The following LIMCH1 variants were observed in gnomAD, a reference collection of about 807,000 sequenced individuals.
The protein encoded by LIMCH1 is LIM and calponin homology domains 1.
LIMCH1 carries 113 observed loss-of-function variants against 176.5 expected under a neutral mutation model. The ratio of observed to expected loss-of-function variants is 0.64; its 90% CI spans 0.55 to 0.75. LIMCH1 has a LOEUF of 0.75. Among genes scored for constraint, LIMCH1 ranks in the 30% least tolerant of loss-of-function variants. LIMCH1 has a pLI of 0.00. For missense variants in LIMCH1, 1,674 were observed against 1,814.9 expected, an observed-to-expected ratio of 0.92 and a Z score of 1.41; for synonymous variants, 619 against 645.9, an observed-to-expected ratio of 0.96 and a Z score of 0.63.
intron 2 of LIMCH1, among the ~76,000 whole-genome samples, chr4:41,505,915 C>G (rs905083128): frequency 2.8e-5 from 4 of 143,860 alleles, no homozygotes; most frequent in East Asian, 2.0e-4. Context: ...TTCTCTCTCT[C>G]TGTGTTTCTG....
intron 1 of LIMCH1, among the ~76,000 whole-genome samples, chr4:41,383,087 A>G (rs1452114541): frequency 1.3e-5 from 2 of 152,244 alleles, no homozygotes; most frequent in African/African-American, 4.8e-5. Flanking sequence ...CACTGTGCCC[A>G]GCCATGCTAA....
rs1731849723 is a variant in LIMCH1 at position 41,698,454 on chromosome 4, A to C, written c.*1269A>C. The C allele has an allele frequency of 6.6e-6, 1 of 152,228 alleles. No homozygotes were observed. Among genetic ancestry groups the C allele is most frequent in the Admixed American group, 6.5e-5 (1 of 15,276 alleles). 9.4% of individuals were successfully genotyped at this position (152,228 alleles called of 1,614,324 possible). Reference sequence around the variant, plus strand: ...GTTTCAGCTGGCCAAGAAAGGAGTCAAGTTATTAAAAAGCATCACAATGTA... The same window carrying C: ...GTTTCAGCTGGCCAAGAAAGGAGTCCAGTTATTAAAAAGCATCACAATGTA... On this transcript the variant is annotated 3_prime_UTR_variant, in exon 32 of 32. Transcript: ENST00000503057.
chr4:41,370,279 GAGGGAAA>G (rs1486511282), intron 1 of LIMCH1, among the ~76,000 whole-genome samples: 3 of 152,150 alleles, frequency 2.0e-5, no homozygotes, highest in Non-Finnish European at 1.5e-5. Flanking sequence ...TTCTTAGGAT[GAGGGAAA>G]GATAGAGCAC....
intron 4 of LIMCH1, 45 bp downstream of exon 4, chr4:41,606,049 G>T: frequency 7.4e-7 from 1 of 1,358,786 alleles, no homozygotes; most frequent in Non-Finnish European, 1.1e-6. Context: ...TAGACAAGGT[G>T]GGAAAGCTAC....
At chr4:41,577,427 T>G (rs2084675778) in intron 1 of LIMCH1, among the ~76,000 whole-genome samples, 1 of 152,114 alleles carries the variant, frequency 6.6e-6, no homozygotes. Flanking sequence ...TGCAAGTGAT[T>G]TATTTATTTA....
chr4:41,459,498 C>T (rs1270569333), intron 1 of LIMCH1, among the ~76,000 whole-genome samples: 5 of 152,114 alleles, frequency 3.3e-5, no homozygotes. Flanking sequence ...GACGAGGTCT[C>T]ACCCTGTTGC....
At chr4:41,434,469 A>G (rs541940423) in intron 1 of LIMCH1, among the ~76,000 whole-genome samples, 91 of 152,284 alleles carry the variant, frequency 6.0e-4, no homozygotes, top group Admixed American at 1.7e-3. Flanking sequence ...TCACATCACC[A>G]TAATGGAGAC....
At chr4:41,565,093 C>G (rs1299510385) in intron 1 of LIMCH1, among the ~76,000 whole-genome samples, 1 of 152,110 alleles carries the variant, frequency 6.6e-6, no homozygotes, top group Non-Finnish European at 1.5e-5. Flanking sequence ...AATAAGAGAA[C>G]AAACTATGAA....
intron 1 of LIMCH1, among the ~76,000 whole-genome samples, chr4:41,560,903 A>G (rs1380381016): frequency 6.6e-6 from 1 of 151,456 alleles, no homozygotes; most frequent in Non-Finnish European, 1.5e-5. Context: ...CATAGTCCCA[A>G]CTACTCTGGA....
At chr4:41,491,093 C>T (rs528918733) in intron 1 of LIMCH1, among the ~76,000 whole-genome samples, 19 of 144,704 alleles carry the variant, frequency 1.3e-4, no homozygotes, top group South Asian at 4.5e-4. Flanking sequence ...GGGTGGTGGC[C>T]GGACAGAGGC....
intron 1 of LIMCH1, among the ~76,000 whole-genome samples, chr4:41,581,857 C>G (rs1448318959): frequency 1.4e-5 from 2 of 145,700 alleles, no homozygotes; most frequent in Non-Finnish European, 3.0e-5. Context: ...CAAGTGAGAT[C>G]ATACAGAATT....
At chr4:41,535,135 C>A (rs570717561), upstream of LIMCH1, among the ~76,000 whole-genome samples, 2 of 140,092 alleles carry the variant, frequency 1.4e-5, no homozygotes, top group Non-Finnish European at 3.0e-5. Context: ...GGACTCCAGC[C>A]TGGGTGATGG....
At chr4:41,429,068 G>A (rs909936357) in intron 1 of LIMCH1, among the ~76,000 whole-genome samples, 7 of 152,206 alleles carry the variant, frequency 4.6e-5, no homozygotes, top group Non-Finnish European at 7.3e-5. Context: ...GTAAATAGCA[G>A]GTGCAAATCC....
At chr4:41,671,432 A>G in intron 21 of LIMCH1, 122 bp from the exon 22 acceptor site, 2 of 653,706 alleles carry the variant, frequency 3.1e-6, no homozygotes, top group Non-Finnish European at 5.4e-6. Flanking sequence ...ACACACACAC[A>G]CACACACAAA....
At chr4:41,494,514 C>CT in intron 1 of LIMCH1, 3 of 1,600,882 alleles carry the variant, frequency 1.9e-6, no homozygotes, top group Non-Finnish European at 2.6e-6. Flanking sequence ...CTTATGTGCT[C>CT]TTTTTCTTTT....
At chr4:41,682,285 A>G (rs764241545) in intron 25 of LIMCH1, 48 bp from the exon 26 acceptor site, 82 of 1,463,900 alleles carry the variant, frequency 5.6e-5, no homozygotes, top group Non-Finnish European at 7.5e-5. Flanking sequence ...AGGGTTATAC[A>G]GTGTTTTTAA....
intron 1 of LIMCH1, among the ~76,000 whole-genome samples, chr4:41,581,824 A>AAAAAAAC (rs1561821864): frequency 2.0e-5 from 3 of 147,728 alleles, no homozygotes; most frequent in Non-Finnish European, 4.4e-5. Context: ...AAAAAAAAAA[A>AAAAAAAC]AAAAAACAAC....
intron 1 of LIMCH1, among the ~76,000 whole-genome samples, chr4:41,466,877 T>G (rs967304217): frequency 3.9e-5 from 6 of 152,146 alleles, no homozygotes; most frequent in African/African-American, 1.4e-4. Flanking sequence ...CACAGAACTC[T>G]TTTTGTCTTG....
At chr4:41,482,915 A>G (rs2068889404) in intron 1 of LIMCH1, among the ~76,000 whole-genome samples, 1 of 152,236 alleles carries the variant, frequency 6.6e-6, no homozygotes, top group Non-Finnish European at 1.5e-5. Flanking sequence ...GGCTGAGAAT[A>G]TAAGGATTTT....
Sources: gnomAD v4.1 joint callset for allele counts (sites outside exome capture counted in the v4.1 genomes callset) on GRCh38, gnomAD v4.1.1 for gene constraint, MANE v1.5 for transcripts, NCBI Gene and HGNC (gene_info 2026-07-23, HGNC 2026-07-21) for gene names.